IGF1R: variants seen among roughly 807,000 people sequenced by gnomAD.
The protein encoded by IGF1R is insulin like growth factor 1 receptor, also known as insulin-like growth factor 1 receptor.
In IGF1R, 44 loss-of-function variants were observed where a neutral mutation model predicts 144.6. The ratio of observed to expected loss-of-function variants is 0.30; its 90% CI spans 0.24 to 0.39. IGF1R has a LOEUF of 0.39. Among genes scored for constraint, IGF1R ranks in the 10% least tolerant of loss-of-function variants. The probability of loss-of-function intolerance (pLI) is 1.00; values close to 1 mark genes in which losing one functional copy is unlikely to be tolerated. For missense variants in IGF1R, 1,355 were observed against 1,833.7 expected (o/e 0.74, Z 4.77); for synonymous variants, 795 against 722.8 (o/e 1.10, Z -1.60).
In IGF1R at chr15:98,962,309, T is replaced by C; in HGVS notation, c.*4867T>C. 4.3e-6 allele frequency: 1 copy of C among 233,432 alleles called. No individual in the cohort carries two copies. Among genetic ancestry groups the C allele is most frequent in the Non-Finnish European group, 8.5e-6 (1 of 118,118 alleles). The allele number at this position is 233,432 out of a possible 1,614,324, so 14.5% of individuals were successfully genotyped here. The stretch of plus-strand genomic sequence containing the variant: ...CAGTCCCAGTTATGCATTTCAAGTT[T>C]GGGGTTTGTTCTTTTCGTTAATGTT... On this transcript the variant is annotated 3_prime_UTR_variant, in exon 21 of 21. Transcript: ENST00000650285.
At chr15:98,789,429 A>G (rs993167265) in intron 2 of IGF1R, among the ~76,000 whole-genome samples, 18 of 152,164 alleles carry the variant, frequency 1.2e-4, no homozygotes, top group African/African-American at 3.4e-4. Flanking sequence ...AAATAATCCA[A>G]TGTCAGATTC....
At chr15:98,915,804 T>C (rs1389984540) in intron 8 of IGF1R, among the ~76,000 whole-genome samples, 160 bp from the exon 9 acceptor site, 1 of 152,270 alleles carries the variant, frequency 6.6e-6, no homozygotes, top group Non-Finnish European at 1.5e-5. Context: ...AGTAGTACTA[T>C]TTCAAAATAA....
At chr15:98,925,641 G>A (rs188611607) in intron 13 of IGF1R, among the ~76,000 whole-genome samples, 21 of 152,336 alleles carry the variant, frequency 1.4e-4, no homozygotes, top group East Asian at 3.9e-4. Context: ...AGTGGCTCAC[G>A]CCTGTGATCC....
intron 2 of IGF1R, among the ~76,000 whole-genome samples, chr15:98,711,676 C>T (rs182614789): frequency 1.8e-4 from 28 of 152,284 alleles, no homozygotes; most frequent in South Asian, 4.1e-4. Flanking sequence ...TGTCTTCCAA[C>T]GCCACCCTCT....
Position 98,649,525 on chromosome 15 carries a change from C to CTTTTTTTTTTTTTTTTTTTTTTTTTTT in IGF1R, c.-33_-32insTTTTTTTTTTTTTTTTTTTTTTTTTTT. ...TCATTTCCTTTTTTTCTTTTCTTTT[C>CTTTTTTTTTTTTTTTTTTTTTTTTTTT]TTTTTTTTTTTTTTTTTTTTTTTTG... On this transcript the variant is annotated 5_prime_UTR_variant, in exon 1 of 21. Coordinates refer to ENST00000650285, the MANE Select transcript of IGF1R (RefSeq NM_000875.5). 1 of 723,790 alleles carries CTTTTTTTTTTTTTTTTTTTTTTTTTTT rather than the reference C, an allele frequency of 1.4e-6. No homozygotes were observed. The highest frequency in any genetic ancestry group is 2.2e-6 in the Non-Finnish European group (1 of 456,618). The allele number at this position is 723,790 out of a possible 1,614,324, so 44.8% of individuals were successfully genotyped here.
intron 2 of IGF1R, among the ~76,000 whole-genome samples, chr15:98,802,592 T>G (rs2056385741): frequency 1.3e-5 from 2 of 152,380 alleles, no homozygotes; most frequent in South Asian, 4.1e-4. Context: ...AGACAGGGGT[T>G]GCTTGTATGC....
intron 2 of IGF1R, among the ~76,000 whole-genome samples, chr15:98,797,026 G>A (rs2056259321): frequency 6.6e-6 from 1 of 152,182 alleles, no homozygotes; most frequent in African/African-American, 2.4e-5. Context: ...GCTGGCGTTT[G>A]GGTCCATGCC....
chr15:98,947,274 T>C (rs1201936833), intron 19 of IGF1R, among the ~76,000 whole-genome samples: 1 of 152,264 alleles, frequency 6.6e-6, no homozygotes, highest in African/African-American at 2.4e-5. Flanking sequence ...AGTATCAATT[T>C]GTACAAAAAT....
chr15:98,939,146 G>A (rs2151713721), intron 17 of IGF1R, 55 bp from the exon 18 acceptor site: 2 of 1,470,790 alleles, frequency 1.4e-6, no homozygotes, highest in African/African-American at 1.4e-5. Context: ...AAAGAAATTG[G>A]CATGGAAAAA....
At chr15:98,801,151 C>T (rs573052325) in intron 2 of IGF1R, among the ~76,000 whole-genome samples, 1 of 152,286 alleles carries the variant, frequency 6.6e-6, no homozygotes, top group African/African-American at 2.4e-5. Context: ...CCTCCCTCTC[C>T]CCAACCTCAG....
At chr15:98,837,443 G>A (rs2011107448) in intron 2 of IGF1R, among the ~76,000 whole-genome samples, 1 of 152,116 alleles carries the variant, frequency 6.6e-6, no homozygotes, top group African/African-American at 2.4e-5. Flanking sequence ...GGTTTCACAT[G>A]TTGGCCAGGT....
At chr15:98,934,752 A>C in intron 15 of IGF1R, 72 bp from the exon 16 acceptor site, 1 of 1,288,268 alleles carries the variant, frequency 7.8e-7, no homozygotes, top group Non-Finnish European at 1.1e-6. Context: ...TCTTTGGCTT[A>C]GAGTTCCCCC....
At chr15:98,919,937 A>T (rs1484904010) in intron 10 of IGF1R, among the ~76,000 whole-genome samples, 1 of 152,246 alleles carries the variant, frequency 6.6e-6, no homozygotes, top group Non-Finnish European at 1.5e-5. Flanking sequence ...GTTAAGTAAG[A>T]TTTAGTTCCT....
chr15:98,673,798 A>G (rs1210093284), intron 1 of IGF1R, among the ~76,000 whole-genome samples: 1 of 152,186 alleles, frequency 6.6e-6, no homozygotes, highest in Non-Finnish European at 1.5e-5. Flanking sequence ...TTATTGTGCA[A>G]ATACCTGATA....
intron 1 of IGF1R, among the ~76,000 whole-genome samples, chr15:98,662,179 G>C (rs2052617420): frequency 6.6e-6 from 1 of 151,536 alleles, no homozygotes; most frequent in South Asian, 2.1e-4. Flanking sequence ...CGGGGTTTAG[G>C]CATGTTGGTC....
chr15:98,672,990 T>G (rs2052937214), intron 1 of IGF1R, among the ~76,000 whole-genome samples: 1 of 152,154 alleles, frequency 6.6e-6, no homozygotes, highest in South Asian at 2.1e-4. Context: ...GGGAGCATCT[T>G]TTTATTTTAT....
intron 3 of IGF1R, chr15:98,893,433 T>A (rs1237688614): frequency 6.6e-6 from 1 of 152,232 alleles, no homozygotes; most frequent in African/African-American, 2.4e-5. Context: ...GGATACATAT[T>A]ACATCCAAAA....
chr15:98,788,989 TAGAA>T (rs910123206), intron 2 of IGF1R, among the ~76,000 whole-genome samples: 6 of 152,338 alleles, frequency 3.9e-5, no homozygotes, highest in Middle Eastern at 3.4e-3. Flanking sequence ...ACTTTTAACT[TAGAA>T]AGTCATTTTG....
chr15:98,715,800 C>T (rs2054100200), intron 2 of IGF1R, among the ~76,000 whole-genome samples: 1 of 152,174 alleles, frequency 6.6e-6, no homozygotes, highest in Non-Finnish European at 1.5e-5. Flanking sequence ...TGGAATGTTC[C>T]CCTGACTTGG....
Sources: allele counts gnomAD v4.1 joint callset (sites outside exome capture counted in the v4.1 genomes callset), GRCh38; gene constraint gnomAD v4.1.1; transcripts MANE v1.5; gene names NCBI Gene and HGNC (gene_info 2026-07-23, HGNC 2026-07-21).